OR2L13: variants seen among roughly 807,000 people sequenced by gnomAD.
OR2L13 encodes olfactory receptor 2L13.
OR2L13 carries 14 observed loss-of-function variants against 15.3 expected under a neutral mutation model. That is an observed-to-expected ratio of 0.91 (90% confidence interval 0.60 to 1.43). OR2L13 has a LOEUF of 1.43. Ranked by LOEUF, OR2L13 falls within the 40% of genes most tolerant of loss-of-function variation. The probability of loss-of-function intolerance (pLI) is 0.00; values close to 1 mark genes in which losing one functional copy is unlikely to be tolerated. For synonymous variants in OR2L13, 152 were observed against 142.9 expected (o/e 1.06, Z -0.45); for missense variants, 367 against 387.9 (o/e 0.95, Z 0.45).
chr1:248,093,472 C>A (rs906254758), upstream of OR2L13, among the ~76,000 whole-genome samples: 1 of 152,232 alleles, frequency 6.6e-6, no homozygotes, highest in East Asian at 1.9e-4. Context: ...GCAAGCAGCA[C>A]CACATTGCAG....
At chr1:247,983,344 G>A in the OR2L13 span, among the ~76,000 whole-genome samples, 3 of 152,258 alleles carry the variant, frequency 2.0e-5, no homozygotes, top group East Asian at 5.8e-4. Context: ...CGGGTTGAAT[G>A]TTTGGTTTTC....
At chr1:248,022,176 G>C in the OR2L13 span, 1 of 1,613,986 alleles carries the variant, frequency 6.2e-7, no homozygotes, top group Admixed American at 1.7e-5. Flanking sequence ...CTCTACGATT[G>C]TTCCTAAGAT....
chr1:247,983,179 TAAA>T, the OR2L13 span, among the ~76,000 whole-genome samples: 1 of 152,206 alleles, frequency 6.6e-6, no homozygotes, highest in East Asian at 1.9e-4. Flanking sequence ...TCATCATCTA[TAAA>T]ACGTCGTGGT....
chr1:247,967,431 G>C, the OR2L13 span, among the ~76,000 whole-genome samples: 1 of 152,054 alleles, frequency 6.6e-6, no homozygotes, highest in Non-Finnish European at 1.5e-5. Context: ...TTTTCACCAT[G>C]TTGCTCAGGC....
the OR2L13 span, among the ~76,000 whole-genome samples, chr1:248,028,591 C>A: frequency 1.3e-5 from 2 of 152,178 alleles, no homozygotes; most frequent in Non-Finnish European, 2.9e-5. Flanking sequence ...TTATTCTAAT[C>A]TCTTCTTTCA....
At chr1:248,019,704 T>G in the OR2L13 span, among the ~76,000 whole-genome samples, 3 of 152,102 alleles carry the variant, frequency 2.0e-5, no homozygotes, top group Non-Finnish European at 4.4e-5. Flanking sequence ...TTCCTGACTC[T>G]ATTTTCCTCC....
chr1:248,100,344 C>T (rs776959462), exon 3 of OR2L13: 1 of 1,361,198 alleles, frequency 7.3e-7, no homozygotes, highest in Non-Finnish European at 1.0e-6. Context: ...CTTTGTATTT[C>T]CTCTTTCCAA....
chr1:247,950,949 A>C, the OR2L13 span, among the ~76,000 whole-genome samples: 1 of 152,174 alleles, frequency 6.6e-6, no homozygotes, highest in Admixed American at 6.5e-5. Flanking sequence ...GAAATGATAC[A>C]TATTTGGGGT....
chr1:248,096,818 C>G (rs1396943682), upstream of OR2L13, among the ~76,000 whole-genome samples: 2 of 152,162 alleles, frequency 1.3e-5, no homozygotes, highest in African/African-American at 2.4e-5. Context: ...AGCAACGTAT[C>G]TTTTAGAATG....
the OR2L13 span, among the ~76,000 whole-genome samples, chr1:248,048,100 C>G: frequency 6.6e-6 from 1 of 152,136 alleles, no homozygotes; most frequent in African/African-American, 2.4e-5. Context: ...AAAGGATATA[C>G]TTTCATAATC....
At chr1:248,079,943 G>A in the OR2L13 span, among the ~76,000 whole-genome samples, 2 of 152,138 alleles carry the variant, frequency 1.3e-5, no homozygotes, top group African/African-American at 4.8e-5. Flanking sequence ...CCACACATTG[G>A]AAGATATTGG....
chr1:248,044,166 G>A, the OR2L13 span, among the ~76,000 whole-genome samples: 1 of 152,094 alleles, frequency 6.6e-6, no homozygotes, highest in Non-Finnish European at 1.5e-5. Context: ...GAGTCGCTCT[G>A]GTTCAAAAGC....
the OR2L13 span, among the ~76,000 whole-genome samples, chr1:248,009,040 G>A: frequency 6.6e-6 from 1 of 152,100 alleles, no homozygotes; most frequent in African/African-American, 2.4e-5. Context: ...CTAAAGCAGT[G>A]GTTAGAGGAA....
At chr1:247,964,556 G>A in the OR2L13 span, among the ~76,000 whole-genome samples, 126,458 of 151,978 alleles carry the variant, frequency 0.83, 56,522 homozygotes, top group Non-Finnish European at 0.98. Flanking sequence ...CACAATTCTG[G>A]TATATATAGT....
At chr1:248,051,592 G>A in the OR2L13 span, among the ~76,000 whole-genome samples, 3 of 152,114 alleles carry the variant, frequency 2.0e-5, no homozygotes, top group Non-Finnish European at 4.4e-5. Flanking sequence ...AAAGAGGAGA[G>A]TGAGGGAGGA....
chr1:247,984,885 C>T, the OR2L13 span, among the ~76,000 whole-genome samples: 1 of 152,068 alleles, frequency 6.6e-6, no homozygotes, highest in East Asian at 1.9e-4. Context: ...AATTATTCTC[C>T]CTGTCTCCCT....
At chr1:247,958,152 T>C in the OR2L13 span, among the ~76,000 whole-genome samples, 1 of 152,132 alleles carries the variant, frequency 6.6e-6, no homozygotes, top group Non-Finnish European at 1.5e-5. Flanking sequence ...TCTTTGTTCT[T>C]GTTGGTTTCA....
chr1:248,055,381 G>T, the OR2L13 span, among the ~76,000 whole-genome samples: 3 of 152,126 alleles, frequency 2.0e-5, no homozygotes, highest in East Asian at 5.8e-4. Flanking sequence ...TGTTCATCAG[G>T]GATATTGGCA....
chr1:248,041,155 A>T, the OR2L13 span: 11 of 152,216 alleles, frequency 7.2e-5, no homozygotes, highest in Admixed American at 1.3e-4. Flanking sequence ...TGGTACCAAA[A>T]CAGAAATATA....
Sources: gnomAD v4.1 joint callset for allele counts (sites outside exome capture counted in the v4.1 genomes callset) on GRCh38, gnomAD v4.1.1 for gene constraint, MANE v1.5 for transcripts, NCBI Gene and HGNC (gene_info 2026-07-23, HGNC 2026-07-21) for gene names.